Variants in ERVV-2 observed in about 807,000 individuals in gnomAD.
ERVV-2 encodes endogenous retrovirus group V member 2, envelope.
For missense variants in ERVV-2, 291 were observed against 495.1 expected (o/e 0.59, Z 3.91); for synonymous variants, 105 against 184.6 (o/e 0.57, Z 3.49).
In ERVV-2 at chr19:53,048,988, G is replaced by C; in HGVS notation, c.-264G>C. 1 of 601,508 alleles carries C rather than the reference G, an allele frequency of 1.7e-6. No homozygotes were observed. The highest frequency in any genetic ancestry group is 4.5e-4 in the Middle Eastern group (1 of 2,222). The allele number at this position is 601,508 out of a possible 1,614,324, so 37.3% of individuals were successfully genotyped here. ...ACCTGAGCATTCTTGTGAGCCACTG[G>C]AGAACTTAAAATTCCACTTCAAGTG... On this transcript the variant is annotated 5_prime_UTR_variant, in exon 2 of 2. Transcript: ENST00000601417.
rs1352959150 is a variant in ERVV-2 at position 53,051,360 on chromosome 19, A to C, written c.*501A>C. 1.3e-5 allele frequency among the ~76,000 whole-genome samples: 2 copies of C among 151,802 alleles called. No homozygotes were observed. The highest frequency in any genetic ancestry group is 2.4e-5 in the African/African-American group (1 of 41,314). On this transcript the variant is annotated 3_prime_UTR_variant, in exon 2 of 2. Transcript: ENST00000601417. ...GGGGTTTCACCATGTTGGTCAGGCT[A>C]GTCTCAAACTCCTGACTTCAGGTGA...
Position 53,048,940 on chromosome 19 carries a change from A to G in ERVV-2, c.-312A>G, listed in dbSNP as rs1360095753. On this transcript the variant is annotated 5_prime_UTR_variant, in exon 2 of 2. Coordinates refer to ENST00000601417, the MANE Select transcript of ERVV-2 (RefSeq NM_001191055.2). Reference sequence around the variant, plus strand: ...AACTGTGGGAAGGTCCCGAAGAACCACAGAAGAACAACAGAATTCAGCACC... The same window carrying G: ...AACTGTGGGAAGGTCCCGAAGAACCGCAGAAGAACAACAGAATTCAGCACC... 9 of 527,952 alleles carry G rather than the reference A, an allele frequency of 1.7e-5. No individual in the cohort carries two copies. The South Asian group carries it at 2.0e-4, about 11-fold the overall frequency. 32.7% of individuals were successfully genotyped at this position (527,952 alleles called of 1,614,324 possible).
chr19:53,048,373 C>A (rs2083898708), intron 1 of ERVV-2, among the ~76,000 whole-genome samples: 1 of 150,762 alleles, frequency 6.6e-6, no homozygotes, highest in Non-Finnish European at 1.5e-5. Flanking sequence ...AATACTACAT[C>A]TCAAAAAAAC....
At chr19:53,045,716 C>T (rs1035700016) in intron 1 of ERVV-2, among the ~76,000 whole-genome samples, 5 of 152,170 alleles carry the variant, frequency 3.3e-5, no homozygotes, top group African/African-American at 1.2e-4. Flanking sequence ...TCTCCCAGGT[C>T]ACTCTGCTTA....
intron 1 of ERVV-2, 44 bp from the exon 2 acceptor site, chr19:53,048,823 C>A (rs563522999): frequency 1.0e-5 from 3 of 298,858 alleles, no homozygotes; most frequent in East Asian, 9.5e-5. Flanking sequence ...TCTCAACTCC[C>A]TTATGGAAAG....
At chr19:53,047,527 A>G (rs1407498432) in intron 1 of ERVV-2, among the ~76,000 whole-genome samples, 5 of 152,180 alleles carry the variant, frequency 3.3e-5, no homozygotes, top group African/African-American at 7.2e-5. Flanking sequence ...ACTGCTGGGC[A>G]TCAATCCCAG....
Position 53,050,153 on chromosome 19 carries a change from T to C in ERVV-2, c.902T>C (p.Leu301Ser), listed in dbSNP as rs2145388130. 1 of 1,462,784 alleles carries C rather than the reference T, an allele frequency of 6.8e-7. No homozygotes were observed. Among genetic ancestry groups the C allele is most frequent in the South Asian group, 1.2e-5 (1 of 80,450 alleles). The allele number at this position is 1,462,784 out of a possible 1,614,324, so 90.6% of individuals were successfully genotyped here. ...QHTGECAVGL[L>S]GPRGIGVTIY... ...ACGGGAGAATGTGCTGTGGGACTTT[T>C]GGGACCACGGGGGATAGGTGTGACC... Residue 301 changes from leucine to serine, a missense_variant, in exon 2 of 2, where the codon TTG becomes TCG. By Grantham distance (145) the Leu-to-Ser change is moderately radical. Transcript: ENST00000601417.
At chr19:53,048,125 T>C (rs539452479) in intron 1 of ERVV-2, among the ~76,000 whole-genome samples, 5 of 152,274 alleles carry the variant, frequency 3.3e-5, no homozygotes, top group African/African-American at 1.2e-4. Flanking sequence ...GCTGATCACC[T>C]GTCAGGTAAC....
chr19:53,047,779 T>A (rs979621565), intron 1 of ERVV-2, among the ~76,000 whole-genome samples: 6 of 152,172 alleles, frequency 3.9e-5, no homozygotes, highest in Non-Finnish European at 8.8e-5. Context: ...GGTAATCAGA[T>A]CTTTATATCC....
intron 1 of ERVV-2, among the ~76,000 whole-genome samples, chr19:53,047,262 C>T (rs1254237847): frequency 3.9e-5 from 6 of 152,098 alleles, no homozygotes; most frequent in Non-Finnish European, 7.4e-5. Flanking sequence ...GCAGAAGAAT[C>T]GCTTGAACCC....
In ERVV-2 at chr19:53,045,918, C is replaced by T. The variant is rs147623061; in HGVS notation, c.-386+960C>T. On this transcript the variant is annotated intron_variant, in intron 1 of 1. Transcript: ENST00000601417. ...GACTCAGCTTTGTCCTTTCCCTTGC[C>T]TCCTGTTTCACTGGAGGGACCGGCA... Among the ~76,000 whole-genome samples the T allele has an allele frequency of 6.6e-3, 1,007 of 152,282 alleles. 8 individuals carry two copies. Among genetic ancestry groups the T allele is most frequent in the African/African-American group, 0.023 (952 of 41,550 alleles).
chr19:53,047,843 T>G (rs112237640), intron 1 of ERVV-2, among the ~76,000 whole-genome samples: 49 of 152,312 alleles, frequency 3.2e-4, no homozygotes, highest in African/African-American at 1.1e-3. Flanking sequence ...GATCCCCAGA[T>G]TGTAAAACAA....
Position 53,051,136 on chromosome 19 carries a change from C to CTTTTTTTTTTTTTTTTTTTTT in ERVV-2, c.*285_*305dup, listed in dbSNP as rs57887970. 1.9e-4 allele frequency: 21 copies of CTTTTTTTTTTTTTTTTTTTTT among 110,014 alleles called. 1 individual carries two copies. The highest frequency in any genetic ancestry group is 9.9e-4 in the African/African-American group (21 of 21,158). 6.8% of individuals were successfully genotyped at this position (110,014 alleles called of 1,614,324 possible). A position where few individuals can be genotyped will look rare whatever the true frequency, so the allele number is the denominator to read the frequency against. On this transcript the variant is annotated 3_prime_UTR_variant, in exon 2 of 2. Coordinates refer to ENST00000601417, the MANE Select transcript of ERVV-2 (RefSeq NM_001191055.2). ...TAACCCATCCTAGAACAGCCTTTTG[C>CTTTTTTTTTTTTTTTTTTTTT]TTTTTTTTTTTTTTTTTTTTTTTTT...
rs1033662027 is a variant in ERVV-2, at chr19:53,048,848, T to C, written c.-385-19T>C. The C allele has an allele frequency of 2.3e-5, 8 of 350,156 alleles. No individual in the cohort carries two copies. The highest frequency in any genetic ancestry group is 4.2e-5 in the Non-Finnish European group (8 of 190,386). 21.7% of individuals were successfully genotyped at this position (350,156 alleles called of 1,614,324 possible). The stretch of plus-strand genomic sequence containing the variant: ...CTTATGGAAAGACCCCTTTACTGTC[T>C]TACTTTCCACCCCAACAGCTATCAA... On this transcript the variant is annotated intron_variant, in intron 1 of 1. Transcript: ENST00000601417.
At position 53,050,832 on chromosome 19, in the gene ERVV-2, G is replaced by T. The variant is rs768153432; in HGVS notation, c.1581G>T (p.Arg527=). 1.1e-4 allele frequency: 161 copies of T among 1,533,148 alleles called. No individual in the cohort carries two copies. The highest frequency in any genetic ancestry group is 1.3e-4 in the Non-Finnish European group (153 of 1,145,876). The allele number at this position is 1,533,148 out of a possible 1,614,324, so 95.0% of individuals were successfully genotyped here. A position where few individuals can be genotyped will look rare whatever the true frequency, so the allele number is the denominator to read the frequency against. The stretch of plus-strand genomic sequence containing the variant: ...TGGATGCCAGTGGGCAAAGATTCCG[G>T]GAAACTATGGAGGAATTTTCTCTCT... The part of the protein sequence containing the change: ...SPLDASGQRF[R]ETMEEFSL Residue 527 remains arginine (R), a synonymous_variant, in exon 2 of 2, where the codon CGG becomes CGT. Transcript: ENST00000601417.
Position 53,049,302 on chromosome 19 carries a change from A to G in ERVV-2, c.51A>G (p.Leu17=). The G allele has an allele frequency of 9.3e-7, 1 of 1,080,414 alleles. No individual in the cohort carries two copies. The highest frequency in any genetic ancestry group is 1.3e-6 in the Non-Finnish European group (1 of 766,192). The allele number at this position is 1,080,414 out of a possible 1,614,324, so 66.9% of individuals were successfully genotyped here. ...FLYLSLLPMP[L]LSQAQWNENS... is the part of the protein sequence containing the mutation. ...ATCTTTCCCTCCTTCCCATGCCCCT[A>G]CTCTCACAGGCACAGTGGAATGAAA... Residue 17 remains leucine (L), a synonymous_variant, in exon 2 of 2, where the codon CTA becomes CTG. Coordinates refer to ENST00000601417, the MANE Select transcript of ERVV-2 (RefSeq NM_001191055.2).
intron 1 of ERVV-2, among the ~76,000 whole-genome samples, chr19:53,045,630 T>C (rs1195307456): frequency 6.6e-6 from 1 of 152,034 alleles, no homozygotes; most frequent in Non-Finnish European, 1.5e-5. Flanking sequence ...TACAATCCGG[T>C]GTTAAGTCAG....
Position 53,051,656 on chromosome 19 carries a change from A to G in ERVV-2, c.*797A>G, listed in dbSNP as rs2083914802. On this transcript the variant is annotated 3_prime_UTR_variant, in exon 2 of 2. Coordinates refer to ENST00000601417, the MANE Select transcript of ERVV-2 (RefSeq NM_001191055.2). Reference sequence around the variant, plus strand: ...CATTCTTCTGATGTCCTCTCTTTTTAAATAAAGCTTACTTAACCCTTTAAC... The same window carrying G: ...CATTCTTCTGATGTCCTCTCTTTTTGAATAAAGCTTACTTAACCCTTTAAC... 6.6e-6 allele frequency among the ~76,000 whole-genome samples: 1 copy of G among 152,148 alleles called. No individual in the cohort carries two copies. Among genetic ancestry groups the G allele is most frequent in the African/African-American group, 2.4e-5 (1 of 41,428 alleles).
At chr19:53,045,314 G>A (rs7256350) in intron 1 of ERVV-2, among the ~76,000 whole-genome samples, 53,224 of 150,372 alleles carry the variant, frequency 0.35, 7,773 homozygotes, top group Middle Eastern at 0.45. Flanking sequence ...TTTTTTTTGT[G>A]GGGGGGAGGA....
Sources: gnomAD v4.1 joint callset for allele counts (sites outside exome capture counted in the v4.1 genomes callset) on GRCh38, gnomAD v4.1.1 for gene constraint, MANE v1.5 for transcripts, NCBI Gene and HGNC (gene_info 2026-07-23, HGNC 2026-07-21) for gene names.